YY1: variants seen among roughly 807,000 people sequenced by gnomAD.
The protein encoded by YY1 is YY1 transcription factor.
Under a neutral mutation model 35.6 loss-of-function variants are expected in YY1, and 2 were observed. That is an observed-to-expected ratio of 0.06 (90% confidence interval 0.02 to 0.18). The LOEUF is 0.18. Ranked by LOEUF, YY1 falls within the 10% of genes least tolerant of loss-of-function variation. The pLI, the probability that YY1 is intolerant of heterozygous loss-of-function variation, is 1.00. For synonymous variants in YY1, 268 were observed against 238.9 expected (o/e 1.12, Z -1.12); for missense variants, 322 against 573.4 (o/e 0.56, Z 4.48).
At chr14:100,252,892 A>G (rs1006771600) in intron 1 of YY1, among the ~76,000 whole-genome samples, 1 of 151,970 alleles carries the variant, frequency 6.6e-6, no homozygotes, top group African/African-American at 2.4e-5. Context: ...AAAAAAATCA[A>G]CTGGGTGTGG....
intron 1 of YY1, among the ~76,000 whole-genome samples, chr14:100,260,982 TG>T: frequency 6.7e-6 from 1 of 149,438 alleles, no homozygotes; most frequent in South Asian, 2.1e-4. Context: ...TTTGTGGAGA[TG>T]GGGTCTCTCC....
chr14:100,241,534 G>A (rs1237234401), intron 1 of YY1, among the ~76,000 whole-genome samples: 1 of 152,162 alleles, frequency 6.6e-6, no homozygotes, highest in African/African-American at 2.4e-5. Flanking sequence ...CATCCAGGGT[G>A]CCTTGTAGAA....
intron 1 of YY1, among the ~76,000 whole-genome samples, chr14:100,248,741 GCACTGGCGCGATCTCGGC>G (rs1377697991): frequency 6.9e-6 from 1 of 145,604 alleles, no homozygotes; most frequent in Non-Finnish European, 1.5e-5. Flanking sequence ...AGGCTGGAGT[GCACTGGCGCGATCTCGGC>G]TCACTGCAAG....
At chr14:100,274,221 T>C (rs1360711785) in intron 2 of YY1, among the ~76,000 whole-genome samples, 1 of 152,190 alleles carries the variant, frequency 6.6e-6, no homozygotes, top group Non-Finnish European at 1.5e-5. Flanking sequence ...ACCCATTTCG[T>C]GTATAGAGAT....
intron 1 of YY1, among the ~76,000 whole-genome samples, chr14:100,245,404 C>A (rs1266239309): frequency 6.6e-6 from 1 of 152,122 alleles, no homozygotes; most frequent in Non-Finnish European, 1.5e-5. Flanking sequence ...GCCTCAAATT[C>A]CTGAGTAACT....
chr14:100,254,940 A>ATTTTTTTTTT lies in YY1; in HGVS notation c.680-7344_680-7335dup, dbSNP rs35165026. ...AAGCGCCCGCCACCACGCCCAGCTA[A>ATTTTTTTTTT]TTTTTTTTTTTTTTTTTTTTTTTTT... On this transcript the variant is annotated intron_variant, in intron 1 of 4. Transcript: ENST00000262238. 9.8e-4 allele frequency among the ~76,000 whole-genome samples: 29 copies of ATTTTTTTTTT among 29,586 alleles called. 3 individuals are homozygous for ATTTTTTTTTT. The highest frequency in any genetic ancestry group is 3.3e-3 in the African/African-American group (23 of 6,896). The allele number at this position is 29,586 out of a possible 152,430, so 19.4% of individuals were successfully genotyped here.
In YY1 at chr14:100,276,372, T is replaced by G; in HGVS notation, c.904-118T>G. ...GTTCTACCGTAATACTAAGTAAAAT[T>G]AAAATGGGGGGTTGGGGAGGTGGTT... On this transcript the variant is annotated intron_variant, in intron 3 of 4. Coordinates refer to ENST00000262238, the MANE Select transcript of YY1 (RefSeq NM_003403.5). The surrounding 1 kb of genome is among the most constrained non-coding windows in gnomAD (Gnocchi z 4.1). 7.1e-7 allele frequency: 1 copy of G among 1,400,008 alleles called. No individual in the cohort carries two copies. Among genetic ancestry groups the G allele is most frequent in the Non-Finnish European group, 1.0e-6 (1 of 1,002,974 alleles). The allele number at this position is 1,400,008 out of a possible 1,614,324, so 86.7% of individuals were successfully genotyped here.
At chr14:100,262,274 A>G (rs1369174958) in intron 1 of YY1, 30 bp from the exon 2 acceptor site, 2 of 1,612,030 alleles carry the variant, frequency 1.2e-6, no homozygotes, top group Non-Finnish European at 8.5e-7. Flanking sequence ...CTATTTACTC[A>G]GCTAAAGATA....
rs1335904825 is a variant in YY1 at position 100,276,735 on chromosome 14, C to T, written c.1062+87C>T. ...TGGTGTGGTGATGAGGCAGGAGGCG[C>T]CAGCCCAGAGACTCAGGGTCTTATT... On this transcript the variant is annotated intron_variant, in intron 4 of 4. Coordinates refer to ENST00000262238, the MANE Select transcript of YY1 (RefSeq NM_003403.5). This position sits in a 1 kb window ranked among gnomAD's most constrained non-coding sequence, Gnocchi z 4.1. 2.9e-5 allele frequency: 46 copies of T among 1,596,488 alleles called. No individual in the cohort carries two copies. In the South Asian group the frequency reaches 3.2e-4, roughly 11 times the overall value.
chr14:100,240,273 C>G (rs1201324049), intron 1 of YY1, among the ~76,000 whole-genome samples: 2 of 145,278 alleles, frequency 1.4e-5, no homozygotes, highest in Non-Finnish European at 3.1e-5. Context: ...GGCGCGCCCG[C>G]CGGCCCGTTG....
chr14:100,273,403 T>G (rs1891273415), intron 2 of YY1, among the ~76,000 whole-genome samples: 1 of 152,240 alleles, frequency 6.6e-6, no homozygotes, highest in African/African-American at 2.4e-5. Flanking sequence ...TCTTACTGCC[T>G]TCGGCTTCCC....
chr14:100,262,361 A>G lies in YY1; in HGVS notation c.737A>G (p.Asn246Ser), dbSNP rs776256883. The change falls in exon 2 of 5, where the codon AAC becomes AGC. Residue 246 changes from asparagine to serine, a missense_variant. By Grantham distance (46) the Asn-to-Ser change is conservative (BLOSUM62 1). Transcript: ENST00000262238. ...TVVEEQIIGE[N>S]SPPDYSEYMT... ...GTTGAAGAACAGATCATTGGAGAGAACTCACCTCCTGATTATTCAGAATAT... is the reference window on the plus strand; with the variant it reads ...GTTGAAGAACAGATCATTGGAGAGAGCTCACCTCCTGATTATTCAGAATAT... 6.2e-7 allele frequency: 1 copy of G among 1,614,024 alleles called. No individual in the cohort carries two copies. The highest frequency in any genetic ancestry group is 1.7e-5 in the Admixed American group (1 of 60,012).
chr14:100,263,210 T>C (rs941698552), intron 2 of YY1, among the ~76,000 whole-genome samples: 11 of 152,340 alleles, frequency 7.2e-5, no homozygotes, highest in African/African-American at 2.4e-4. Flanking sequence ...GTGCCCAGCC[T>C]GTAGTACACA....
rs35359020 is a variant in YY1 at position 100,266,981 on chromosome 14, G to T, written c.842+4515G>T. ...CTAGTGCACGACAACCAAGAGGACA[G>T]CTGTGTAGCAGGCTGGAAAATGTAT... On this transcript the variant is annotated intron_variant, in intron 2 of 4. Transcript: ENST00000262238. 3.3e-5 allele frequency among the ~76,000 whole-genome samples: 5 copies of T among 152,318 alleles called. No homozygotes were observed. The East Asian group carries it at 9.6e-4, about 29-fold the overall frequency.
chr14:100,249,863 T>TC (rs1275170478), intron 1 of YY1, among the ~76,000 whole-genome samples: 1 of 151,526 alleles, frequency 6.6e-6, no homozygotes, highest in East Asian at 1.9e-4. Context: ...AACCTCCGCC[T>TC]CCCAGGTTCA....
chr14:100,267,855 C>T (rs1382657540), intron 2 of YY1, among the ~76,000 whole-genome samples: 1 of 152,244 alleles, frequency 6.6e-6, no homozygotes, highest in East Asian at 1.9e-4. Context: ...TCATGTTCAT[C>T]TGAACAAATA....
chr14:100,267,063 T>C (rs188849720), intron 2 of YY1, among the ~76,000 whole-genome samples: 1 of 152,270 alleles, frequency 6.6e-6, no homozygotes, highest in Admixed American at 6.5e-5. Context: ...AAAGTCAGTT[T>C]CATTCAGTAG....
intron 1 of YY1, among the ~76,000 whole-genome samples, chr14:100,254,146 T>C (rs1890966569): frequency 6.6e-6 from 1 of 152,192 alleles, no homozygotes; most frequent in African/African-American, 2.4e-5. Context: ...AAGATATTTT[T>C]TTGAACAAAG....
chr14:100,249,441 C>T (rs555170759), intron 1 of YY1, among the ~76,000 whole-genome samples: 1 of 152,100 alleles, frequency 6.6e-6, no homozygotes, highest in Admixed American at 6.5e-5. Flanking sequence ...ATTAATTCCC[C>T]TTCTCAAATA....
Sources: gnomAD v4.1 joint callset for allele counts (sites outside exome capture counted in the v4.1 genomes callset) on GRCh38, gnomAD v4.1.1 for gene constraint, Gnocchi (gnomAD v3.1) non-coding constraint, MANE v1.5 for transcripts, NCBI Gene and HGNC (gene_info 2026-07-23, HGNC 2026-07-21) for gene names.